Variants in TRAP1 observed in about 807,000 individuals in gnomAD.
The protein encoded by TRAP1 is TNF receptor associated protein 1, also known as heat shock protein 75 kDa, mitochondrial.
In TRAP1, 102 loss-of-function variants were observed where a neutral mutation model predicts 89.1. The ratio of observed to expected loss-of-function variants is 1.15; its 90% CI spans 0.98 to 1.35. The LOEUF is 1.35. TRAP1 is among the 40% of genes most tolerant of loss of function. TRAP1 has a pLI of 0.00. For synonymous variants in TRAP1, 508 were observed against 388.0 expected, an observed-to-expected ratio of 1.31 and a Z score of -3.64; for missense variants, 1,256 against 945.3, an observed-to-expected ratio of 1.33 and a Z score of -4.31.
At chr16:3,674,189 G>T in intron 9 of TRAP1, 150 bp downstream of exon 9, 1 of 1,120,204 alleles carries the variant, frequency 8.9e-7, no homozygotes, top group Non-Finnish European at 1.2e-6. Context: ...CCAAAGTGCT[G>T]GGATAACAGG....
rs749530717 is a variant in TRAP1, at chr16:3,662,923, A to G, written c.1753T>C (p.Trp585Arg). The change falls in exon 15 of 18, where the codon TGG (tryptophan) becomes CGG (arginine). Residue 585 changes from tryptophan (W) to arginine (R), a missense_variant. Physicochemically the swap from Trp to Arg is moderately radical, Grantham distance 101. Coordinates refer to ENST00000246957, the MANE Select transcript of TRAP1 (RefSeq NM_016292.3). ...CGCGACCCCAGCACATTTCTCATCC[A>G]GGCCATGAGCTCCTCCGTCTCCTTC... ...SEKETEELMA[W>R]MRNVLGSRVT... The G allele has an allele frequency of 3.4e-5, 55 of 1,613,060 alleles. No individual in the cohort carries two copies. The highest frequency in any genetic ancestry group is 3.9e-5 in the Non-Finnish European group (46 of 1,180,004).
At chr16:3,711,022 C>G (rs2051524008) in intron 1 of TRAP1, among the ~76,000 whole-genome samples, 1 of 138,994 alleles carries the variant, frequency 7.2e-6, no homozygotes, top group Admixed American at 7.5e-5. Flanking sequence ...CAGGCACACC[C>G]AGCTAATTGG....
At chr16:3,664,063 AAAAAAAC>A (rs1442214715) in intron 13 of TRAP1, 3 of 544,578 alleles carry the variant, frequency 5.5e-6, no homozygotes, top group Non-Finnish European at 9.3e-6. Context: ...ACTCCATCTC[AAAAAAAC>A]AAAAAACAAA....
At chr16:3,683,837 C>A (rs1198882217) in intron 4 of TRAP1, among the ~76,000 whole-genome samples, 2 of 150,996 alleles carry the variant, frequency 1.3e-5, no homozygotes, top group Non-Finnish European at 2.9e-5. Context: ...CAGAAATCAT[C>A]TGTTGCCAGG....
At position 3,702,401 on chromosome 16, in the gene TRAP1, G is replaced by A. The variant is rs151173701; in HGVS notation, c.89-11416C>T. ...CCACTGTGCTGCTTCACAGACCTGG[G>A]AAGAAGTTTTTTGAGAAAAGACTTT... On this transcript the variant is annotated intron_variant, in intron 1 of 17. Coordinates refer to ENST00000246957, the MANE Select transcript of TRAP1 (RefSeq NM_016292.3). 1.3e-3 allele frequency among the ~76,000 whole-genome samples: 190 copies of A among 151,874 alleles called. 4 individuals are homozygous for A. The East Asian group carries it at 0.035, about 28-fold the overall frequency.
chr16:3,683,864 A>C (rs1256048625), intron 4 of TRAP1, among the ~76,000 whole-genome samples: 1 of 151,380 alleles, frequency 6.6e-6, no homozygotes, highest in South Asian at 2.1e-4. Context: ...GCACAATGTG[A>C]TTTTAAAAGG....
intron 1 of TRAP1, among the ~76,000 whole-genome samples, chr16:3,710,879 A>ATATATATATATATATTTT (rs71133652): frequency 7.9e-6 from 1 of 125,834 alleles, no homozygotes; most frequent in East Asian, 2.4e-4. Context: ...ATATATATAT[A>ATATATATATATATATTTT]TTTTTTTTTT....
chr16:3,696,309 G>C (rs1346141467), intron 1 of TRAP1, among the ~76,000 whole-genome samples: 1 of 152,190 alleles, frequency 6.6e-6, no homozygotes, highest in East Asian at 1.9e-4. Flanking sequence ...GGTGTGTCAG[G>C]AGAACACACA....
intron 1 of TRAP1, among the ~76,000 whole-genome samples, chr16:3,707,662 T>C (rs2051467593): frequency 6.7e-6 from 1 of 149,294 alleles, no homozygotes; most frequent in South Asian, 2.2e-4. Flanking sequence ...GAGACCAGCC[T>C]GGCCAACATG....
intron 1 of TRAP1, among the ~76,000 whole-genome samples, chr16:3,698,930 A>G (rs927347373): frequency 6.6e-6 from 1 of 152,168 alleles, no homozygotes; most frequent in Non-Finnish European, 1.5e-5. Context: ...CATTAGAGGA[A>G]TAAATCTGCC....
At chr16:3,709,314 G>A (rs555227918) in intron 1 of TRAP1, among the ~76,000 whole-genome samples, 49 of 151,224 alleles carry the variant, frequency 3.2e-4, no homozygotes, top group African/African-American at 8.5e-4. Context: ...ATGGCTTTAC[G>A]TCCTAGTAAA....
At chr16:3,710,034 C>G (rs1403320897) in intron 1 of TRAP1, among the ~76,000 whole-genome samples, 5 of 152,226 alleles carry the variant, frequency 3.3e-5, no homozygotes, top group African/African-American at 9.6e-5. Context: ...CTGGCATTCT[C>G]AACACTCACT....
rs2050733297 is a variant in TRAP1, at chr16:3,663,372, G to C, written c.1708+52C>G. The C allele has an allele frequency of 1.2e-5, 19 of 1,609,908 alleles. No homozygotes were observed. The South Asian group carries it at 1.8e-4, about 15-fold the overall frequency. ...AAGCCCTCGCTGCGGGGCAGGAGAG[G>C]CGTGCGGGGAGTGGAAACCAGCCCC... On this transcript the variant is annotated intron_variant, in intron 14 of 17. Coordinates refer to ENST00000246957, the MANE Select transcript of TRAP1 (RefSeq NM_016292.3).
chr16:3,693,892 C>A (rs569403300), intron 1 of TRAP1, among the ~76,000 whole-genome samples: 43 of 151,692 alleles, frequency 2.8e-4, no homozygotes, highest in South Asian at 2.1e-4. Flanking sequence ...ACTTGTGAGG[C>A]TGAGGTGGGA....
At chr16:3,664,660 G>T in intron 12 of TRAP1, 1 of 576,040 alleles carries the variant, frequency 1.7e-6, no homozygotes, top group Non-Finnish European at 2.9e-6. Context: ...AGCTCTGGGG[G>T]CTTAGGAAGC....
chr16:3,680,458 T>TGGTG (rs1281171610), intron 4 of TRAP1, among the ~76,000 whole-genome samples: 1 of 152,240 alleles, frequency 6.6e-6, no homozygotes, highest in Non-Finnish European at 1.5e-5. Flanking sequence ...TGATCCCCTC[T>TGGTG]GGTGGCTCTC....
intron 4 of TRAP1, among the ~76,000 whole-genome samples, chr16:3,680,357 A>G (rs1465963333): frequency 2.6e-5 from 4 of 152,258 alleles, no homozygotes; most frequent in Non-Finnish European, 5.9e-5. Flanking sequence ...CGAAAAGAAA[A>G]TATTACACCA....
At chr16:3,672,949 G>T in intron 9 of TRAP1, 129 bp from the exon 10 acceptor site, 1 of 1,365,864 alleles carries the variant, frequency 7.3e-7, no homozygotes, top group Non-Finnish European at 9.7e-7. Flanking sequence ...CGTCTGCTCT[G>T]AGTTGAAGCC....
At chr16:3,701,679 C>A (rs1287164686) in intron 1 of TRAP1, among the ~76,000 whole-genome samples, 1 of 152,086 alleles carries the variant, frequency 6.6e-6, no homozygotes, top group Non-Finnish European at 1.5e-5. Flanking sequence ...GCAAGCTCTC[C>A]ACGAGCTATG....
Sources: allele counts gnomAD v4.1 joint callset (sites outside exome capture counted in the v4.1 genomes callset), GRCh38; gene constraint gnomAD v4.1.1; transcripts MANE v1.5; gene names NCBI Gene and HGNC (gene_info 2026-07-23, HGNC 2026-07-21).